MYH9: variants seen among roughly 807,000 people sequenced by gnomAD.
MYH9 encodes the protein myosin heavy chain 9, also known as myosin-9.
MYH9 carries 29 observed loss-of-function variants against 241.9 expected under a neutral mutation model. The observed-to-expected ratio is 0.12, with a 90% CI of 0.09 to 0.16. The LOEUF is 0.16. Ranked by LOEUF, MYH9 falls within the 10% of genes least tolerant of loss-of-function variation. The pLI is 1.00. For missense variants in MYH9, 1,803 were observed against 2,595.5 expected (o/e 0.69, Z 6.63); for synonymous variants, 1,047 against 1,062.6 (o/e 0.99, Z 0.29).
At position 36,326,672 on chromosome 22, in the gene MYH9, A is replaced by C. The variant is rs756080202; in HGVS notation, c.519-11T>G. The C allele has an allele frequency of 3.2e-5, 52 of 1,612,206 alleles. No homozygotes were observed. The highest frequency in any genetic ancestry group is 5.0e-5 in the Admixed American group (3 of 60,012). On this transcript the variant is annotated splice_polypyrimidine_tract_variant and intron_variant, in intron 4 of 40. Coordinates refer to ENST00000216181, the MANE Select transcript of MYH9 (RefSeq NM_002473.6). The stretch of plus-strand genomic sequence containing the variant: ...GCTCCAGATTCACCACTACCAAGAG[A>C]GGCAAGGAAGTCCCGGGCTTAGGCA...
intron 1 of MYH9, among the ~76,000 whole-genome samples, chr22:36,375,935 A>G (rs1463103811): frequency 6.6e-6 from 1 of 151,076 alleles, no homozygotes; most frequent in Non-Finnish European, 1.5e-5. Flanking sequence ...TACCTAGTAC[A>G]TACAAGTGCT....
At chr22:36,294,507 G>A (rs1318027940) in intron 27 of MYH9, among the ~76,000 whole-genome samples, 1 of 152,182 alleles carries the variant, frequency 6.6e-6, no homozygotes, top group Non-Finnish European at 1.5e-5. Flanking sequence ...TGTCTTCACT[G>A]CTTAGGACAT....
rs775597341 is a variant in MYH9 at position 36,289,117 on chromosome 22, G to C, written c.4525C>G (p.Leu1509Val). ...CCCACATCATCCTTGGAGCTCATAA[G>C]GTCCTCCATCTCCGTGCGGAACTGC... The part of the protein sequence containing the change: ...NKQFRTEMED[L>V]MSSKDDVGKS... The change falls in exon 32 of 41, where the codon CTT becomes GTT. Residue 1509 changes from leucine (L) to valine (V), a missense_variant. Leu to Val is a conservative substitution (Grantham distance 32). Coordinates refer to ENST00000216181, the MANE Select transcript of MYH9 (RefSeq NM_002473.6). 35 of 1,613,988 alleles carry C rather than the reference G, an allele frequency of 2.2e-5. No individual in the cohort carries two copies. Among genetic ancestry groups the C allele is most frequent in the Non-Finnish European group, 2.9e-5 (34 of 1,180,046 alleles).
intron 24 of MYH9, chr22:36,297,468 T>A (rs2016806642): frequency 6.2e-6 from 1 of 161,296 alleles, no homozygotes; most frequent in African/African-American, 2.4e-5. Context: ...CTATACCTCA[T>A]CTGAATAATA....
At chr22:36,292,255 A>C (rs572877898) in intron 30 of MYH9, 21 bp from the exon 31 acceptor site, 6 of 1,613,334 alleles carry the variant, frequency 3.7e-6, no homozygotes, top group Non-Finnish European at 5.1e-6. Context: ...GCAAGGAGTA[A>C]GCAGATGCCC....
rs368767177 is a variant in MYH9, at chr22:36,316,682, C to G, written c.1228-13G>C. On this transcript the variant is annotated splice_polypyrimidine_tract_variant and intron_variant, in intron 11 of 40. Coordinates refer to ENST00000216181, the MANE Select transcript of MYH9 (RefSeq NM_002473.6). Reference sequence around the variant, plus strand: ...TGGCAAAGTCAGCCTGCGGGGCACACCCGGGGAGCGTGGTGTCAGATACAA... The same window carrying G: ...TGGCAAAGTCAGCCTGCGGGGCACAGCCGGGGAGCGTGGTGTCAGATACAA... 5 of 1,613,366 alleles carry G rather than the reference C, an allele frequency of 3.1e-6. No individual in the cohort carries two copies. The African/African-American group carries it at 4.0e-5, about 13-fold the overall frequency.
chr22:36,313,580 A>C (rs2017102441), intron 13 of MYH9, among the ~76,000 whole-genome samples: 1 of 152,104 alleles, frequency 6.6e-6, no homozygotes, highest in South Asian at 2.1e-4. Flanking sequence ...CAAGAGGTTT[A>C]AGTATGAACT....
At chr22:36,363,384 G>C in intron 1 of MYH9, among the ~76,000 whole-genome samples, 1 of 152,154 alleles carries the variant, frequency 6.6e-6, no homozygotes, top group East Asian at 1.9e-4. Context: ...TGTTGAAAAT[G>C]CTTGCAAGTA....
chr22:36,290,429 AAAG>A, intron 31 of MYH9, among the ~76,000 whole-genome samples: 1 of 152,100 alleles, frequency 6.6e-6, no homozygotes, highest in Non-Finnish European at 1.5e-5. Context: ...AATGATAATT[AAAG>A]TGATTTTAAC....
In MYH9 at chr22:36,353,558, A is replaced by G. The variant is rs191935160; in HGVS notation, c.-19-4303T>C. 1.4e-4 allele frequency among the ~76,000 whole-genome samples: 22 copies of G among 152,162 alleles called. No homozygotes were observed. In the East Asian group the frequency reaches 4.3e-3, roughly 29 times the overall value. On this transcript the variant is annotated intron_variant, in intron 1 of 40. Coordinates refer to ENST00000216181, the MANE Select transcript of MYH9 (RefSeq NM_002473.6). The stretch of plus-strand genomic sequence containing the variant: ...GTATTTTTAGTAGAGATGGGGTTTT[A>G]GGTCAGGCTGGTCTTGAACTCTTGA...
chr22:36,296,456 G>A (rs1439669112), intron 25 of MYH9, among the ~76,000 whole-genome samples: 2 of 151,324 alleles, frequency 1.3e-5, no homozygotes, highest in African/African-American at 2.4e-5. Context: ...GGCTGGTCTC[G>A]AACTCCTGAC....
At chr22:36,302,294 T>G (rs1158472139) in intron 20 of MYH9, 1 of 378,228 alleles carries the variant, frequency 2.6e-6, no homozygotes, top group Non-Finnish European at 5.0e-6. Flanking sequence ...ATAAAGAGAT[T>G]TTTTTTTTAA....
chr22:36,368,281 A>T (rs2018040442), intron 1 of MYH9, among the ~76,000 whole-genome samples: 1 of 152,184 alleles, frequency 6.6e-6, no homozygotes, highest in African/African-American at 2.4e-5. Flanking sequence ...CACTCTTGTG[A>T]GGTAGATTCT....
chr22:36,303,084 G>A (rs578226103), intron 19 of MYH9, among the ~76,000 whole-genome samples: 2 of 152,300 alleles, frequency 1.3e-5, no homozygotes, highest in African/African-American at 4.8e-5. Context: ...TTGTTTGGTG[G>A]GAGAACGTCA....
At chr22:36,335,381 A>T (rs936171457) in intron 3 of MYH9, among the ~76,000 whole-genome samples, 2 of 152,228 alleles carry the variant, frequency 1.3e-5, no homozygotes, top group Non-Finnish European at 2.9e-5. Context: ...TCCCCAGCAG[A>T]CAGCGGTGCC....
intron 1 of MYH9, among the ~76,000 whole-genome samples, chr22:36,359,835 C>G (rs1378399902): frequency 6.6e-6 from 1 of 152,170 alleles, no homozygotes; most frequent in African/African-American, 2.4e-5. Context: ...AAGTGACAGA[C>G]AGAAGTGGAA....
In MYH9 at chr22:36,318,161, C is replaced by T. The variant is rs1460077877; in HGVS notation, c.1227+46G>A. 7 of 1,529,768 alleles carry T rather than the reference C, an allele frequency of 4.6e-6. No homozygotes were observed. The Admixed American group carries it at 5.0e-5, about 11-fold the overall frequency. The allele number at this position is 1,529,768 out of a possible 1,614,324, so 94.8% of individuals were successfully genotyped here. ...AGCCTCAACTGTGCTGCTGCAGGGA[C>T]ATTCACCCAGGAGGCAGCCAGCTGC... On this transcript the variant is annotated intron_variant, in intron 11 of 40. Coordinates refer to ENST00000216181, the MANE Select transcript of MYH9 (RefSeq NM_002473.6).
At chr22:36,286,905 C>T in intron 34 of MYH9, 59 bp from the exon 35 acceptor site, 1 of 1,599,236 alleles carries the variant, frequency 6.3e-7, no homozygotes, top group Non-Finnish European at 8.5e-7. Context: ...CACCCCAACC[C>T]TCATGGGTCA....
At chr22:36,284,624 G>A (rs1450232974) in intron 38 of MYH9, 113 bp from the exon 39 acceptor site, 9 of 999,400 alleles carry the variant, frequency 9.0e-6, no homozygotes, top group East Asian at 5.1e-5. Flanking sequence ...TAGGGATCAC[G>A]TAGGGAGGCC....
Sources: gnomAD v4.1 joint callset for allele counts (sites outside exome capture counted in the v4.1 genomes callset) on GRCh38, gnomAD v4.1.1 for gene constraint, MANE v1.5 for transcripts, NCBI Gene and HGNC (gene_info 2026-07-23, HGNC 2026-07-21) for gene names.